HLA-DPA1: variants seen among roughly 807,000 people sequenced by gnomAD.
The protein encoded by HLA-DPA1 is major histocompatibility complex, class II, DP alpha 1.
In HLA-DPA1, 20 loss-of-function variants were observed where a neutral mutation model predicts 21.5. The observed-to-expected ratio is 0.93, with a 90% CI of 0.66 to 1.35. HLA-DPA1 has a LOEUF of 1.35. Among genes scored for constraint, HLA-DPA1 ranks in the 40% most tolerant of loss-of-function variants. The pLI, the probability that HLA-DPA1 is intolerant of heterozygous loss-of-function variation, is 0.00. For synonymous variants in HLA-DPA1, 123 were observed against 129.6 expected (o/e 0.95, Z 0.35); for missense variants, 279 against 323.0 (o/e 0.86, Z 1.05).
chr6:33,073,449 C>T (rs4247257), intron 2 of HLA-DPA1, 22 bp downstream of exon 1: 332,456 of 1,534,920 alleles, frequency 0.22, 46,902 homozygotes, highest in East Asian at 0.64. Context: ...CCCGACGCTC[C>T]TGCGTCCTCC....
In HLA-DPA1 at chr6:33,080,497, G is replaced by A. The variant is rs1356540505; in HGVS notation, c.-100+183C>T. The A allele has an allele frequency of 1.2e-6, 1 of 868,466 alleles. No individual in the cohort carries two copies. Among genetic ancestry groups the A allele is most frequent in the Non-Finnish European group, 1.9e-6 (1 of 525,504 alleles). 53.8% of individuals were successfully genotyped at this position (868,466 alleles called of 1,614,324 possible). A position where few individuals can be genotyped will look rare whatever the true frequency, so the allele number is the denominator to read the frequency against. ...CTCTGCGTGGTGAGAAAACAGGCCT[G>A]GAGAGGCTCTGCGACCCGCTTAGGA... On this transcript the variant is annotated intron_variant, in intron 1 of 5. Transcript: ENST00000419277. This position sits in a 1 kb window ranked among gnomAD's most constrained non-coding sequence, Gnocchi z 4.3.
At chr6:33,076,228 C>T (rs1359327605) in intron 1 of HLA-DPA1, 1 of 907,642 alleles carries the variant, frequency 1.1e-6, no homozygotes, top group African/African-American at 1.7e-5. Flanking sequence ...AATTCTGAGA[C>T]AGGCTGCGGG....
In HLA-DPA1 at chr6:33,069,306, A is replaced by C; in HGVS notation, c.347-6T>G. On this transcript the variant is annotated splice_region_variant and splice_polypyrimidine_tract_variant and intron_variant, in intron 3 of 5. Transcript: ENST00000419277. ...CACGGTCACCTCAGGGGGATCTGGA[A>C]GGAGACAGCACCAGGTTAGGCCCCT... 2 of 1,609,834 alleles carry C rather than the reference A, an allele frequency of 1.2e-6. No individual in the cohort carries two copies. The highest frequency in any genetic ancestry group is 8.5e-7 in the Non-Finnish European group (1 of 1,178,304).
intron 1 of HLA-DPA1, among the ~76,000 whole-genome samples, chr6:33,076,482 T>A (rs1195700668): frequency 3.9e-5 from 6 of 152,164 alleles, no homozygotes; most frequent in Non-Finnish European, 7.3e-5. Flanking sequence ...CGTGTTCATG[T>A]CTGCATCCAG....
intron 2 of HLA-DPA1, 152 bp downstream of exon 1, chr6:33,073,319 T>C: frequency 1.7e-6 from 1 of 599,238 alleles, no homozygotes; most frequent in South Asian, 2.2e-5. Flanking sequence ...CTGGCTGTTA[T>C]TGCTGTTATT....
chr6:33,077,290 G>C (rs1433114179), intron 1 of HLA-DPA1, among the ~76,000 whole-genome samples: 1 of 152,054 alleles, frequency 6.6e-6, no homozygotes, highest in Non-Finnish European at 1.5e-5. Flanking sequence ...TGGTGTATAT[G>C]TGTGCATTTT....
In HLA-DPA1 at chr6:33,075,857, T is replaced by C. The variant is rs149806252; in HGVS notation, c.-99-2188A>G. 1.8e-3 allele frequency: 1,054 copies of C among 574,004 alleles called. 8 individuals are homozygous for C. The highest frequency in any genetic ancestry group is 9.1e-3 in the East Asian group (313 of 34,432). 35.6% of individuals were successfully genotyped at this position (574,004 alleles called of 1,614,324 possible). On this transcript the variant is annotated intron_variant, in intron 1 of 5. Coordinates refer to ENST00000419277, the Ensembl canonical transcript of HLA-DPA1. ...AGACCTTTCATACTAACTTTCTGCC[T>C]AGTGAGCAATGACTCATACAAAGCT... is the stretch of plus-strand genomic sequence containing the variant.
chr6:33,079,409 G>A (rs373112989), intron 1 of HLA-DPA1: 4 of 195,454 alleles, frequency 2.0e-5, no homozygotes, highest in South Asian at 1.7e-4. Context: ...TGTCTTCCTC[G>A]GTGCTGCCTA....
At chr6:33,071,928 G>A (rs1203084319) in intron 2 of HLA-DPA1, among the ~76,000 whole-genome samples, 1 of 152,200 alleles carries the variant, frequency 6.6e-6, no homozygotes, top group East Asian at 1.9e-4. Flanking sequence ...ATTATGGGTG[G>A]TCTCAGGAGA....
At position 33,069,447 on chromosome 6, in the gene HLA-DPA1, C is replaced by T. The variant is rs1439388432; in HGVS notation, c.347-147G>A. On this transcript the variant is annotated intron_variant, in intron 3 of 5. Coordinates refer to ENST00000419277, the Ensembl canonical transcript of HLA-DPA1. ...GAGGGGTATCACACCACTGACCAGC[C>T]TCACTCTGCTCACCTTTCTCTCTCC... 3 of 1,012,726 alleles carry T rather than the reference C, an allele frequency of 3.0e-6. No homozygotes were observed. The Admixed American group carries it at 7.1e-5, about 24-fold the overall frequency. 62.7% of individuals were successfully genotyped at this position (1,012,726 alleles called of 1,614,324 possible).
intron 5 of HLA-DPA1, chr6:33,067,162 G>C (rs1464193976): frequency 6.6e-6 from 1 of 152,176 alleles, no homozygotes; most frequent in African/African-American, 2.4e-5. Flanking sequence ...GAATGATCCA[G>C]GTATCCCAGG....
chr6:33,067,457 G>C (rs1311230793), intron 5 of HLA-DPA1: 3 of 152,214 alleles, frequency 2.0e-5, no homozygotes, highest in Non-Finnish European at 4.4e-5. Context: ...TCCACCATGA[G>C]TAAAAGCTTC....
Position 33,080,520 on chromosome 6 carries a change from G to C in HLA-DPA1, c.-100+160C>G. 1 of 1,125,272 alleles carries C rather than the reference G, an allele frequency of 8.9e-7. No individual in the cohort carries two copies. The highest frequency in any genetic ancestry group is 2.6e-5 in the East Asian group (1 of 39,130). 69.7% of individuals were successfully genotyped at this position (1,125,272 alleles called of 1,614,324 possible). ...CTGGAGAGGCTCTGCGACCCGCTTA[G>C]GACCACAGAACTCGGTACTAGGAAA... On this transcript the variant is annotated intron_variant, in intron 1 of 5. Transcript: ENST00000419277. The surrounding 1 kb of genome is among the most constrained non-coding windows in gnomAD (Gnocchi z 4.3).
exon 6 of HLA-DPA1, chr6:33,064,651 A>G (rs988630904): frequency 4.6e-5 from 7 of 152,204 alleles, no homozygotes; most frequent in Admixed American, 6.5e-5. Context: ...TATAATTACA[A>G]TACAGCCTTG....
At position 33,070,202 on chromosome 6, in the gene HLA-DPA1, G is replaced by C. The variant is rs150808401; in HGVS notation, c.101-316C>G. Among the ~76,000 whole-genome samples the C allele has an allele frequency of 3.6e-3, 542 of 152,242 alleles. 3 individuals carry two copies. Among genetic ancestry groups the C allele is most frequent in the East Asian group, 0.026 (133 of 5,178 alleles). Reference sequence around the variant, plus strand: ...ATAGTAACAATGACAGCTAACATTTGTTGAGCACTTACTTGTGCCAGGCAT... The same window carrying C: ...ATAGTAACAATGACAGCTAACATTTCTTGAGCACTTACTTGTGCCAGGCAT... On this transcript the variant is annotated intron_variant, in intron 2 of 5. Coordinates refer to ENST00000419277, the Ensembl canonical transcript of HLA-DPA1.
rs574316903 is a variant in HLA-DPA1, at chr6:33,073,855, G to A, written c.-99-186C>T. 4.5e-5 allele frequency: 17 copies of A among 378,458 alleles called. No homozygotes were observed. In the South Asian group the frequency reaches 9.9e-4, roughly 22 times the overall value. 23.4% of individuals were successfully genotyped at this position (378,458 alleles called of 1,614,324 possible). On this transcript the variant is annotated intron_variant, in intron 1 of 5. Transcript: ENST00000419277. ...CAGTTCATTTTCAGAGTTAGAGAAA[G>A]AGATGTAAAAAGATAAGTTACACCT...
chr6:33,077,211 T>C (rs1034719510), intron 1 of HLA-DPA1, among the ~76,000 whole-genome samples: 7 of 151,940 alleles, frequency 4.6e-5, no homozygotes, highest in African/African-American at 1.5e-4. Flanking sequence ...TGAATGATGA[T>C]TTCCAGCTTC....
intron 2 of HLA-DPA1, among the ~76,000 whole-genome samples, chr6:33,071,014 G>C (rs893302252): frequency 1.3e-5 from 2 of 152,142 alleles, no homozygotes; most frequent in African/African-American, 4.8e-5. Context: ...TGAAAGTCTG[G>C]GTTTAGAATG....
At chr6:33,073,626 G>A in exon 2 of HLA-DPA1, 1 of 1,283,264 alleles carries the variant, frequency 7.8e-7, no homozygotes, top group Non-Finnish European at 1.1e-6. Flanking sequence ...GAGGAACTGA[G>A]GCCGAGTGGA....
Sources: allele counts gnomAD v4.1 joint callset (sites outside exome capture counted in the v4.1 genomes callset), GRCh38; gene constraint gnomAD v4.1.1; non-coding constraint Gnocchi (gnomAD v3.1); transcripts MANE v1.5; gene names NCBI Gene and HGNC (gene_info 2026-07-23, HGNC 2026-07-21).